Variants in DNAH12 observed in about 807,000 individuals in gnomAD.
DNAH12 encodes the protein dynein axonemal heavy chain 12.
In DNAH12, 285 loss-of-function variants were observed where a neutral mutation model predicts 371.5. The ratio of observed to expected loss-of-function variants is 0.77; its 90% CI spans 0.70 to 0.85. The LOEUF is 0.85. DNAH12 is among the 40% of genes least tolerant of loss of function. The pLI, the probability that DNAH12 is intolerant of heterozygous loss-of-function variation, is 0.00. For missense variants in DNAH12, 3,611 were observed against 3,689.4 expected (o/e 0.98, Z 0.55); for synonymous variants, 1,200 against 1,213.0 (o/e 0.99, Z 0.22).
intron 37 of DNAH12, among the ~76,000 whole-genome samples, chr3:57,416,395 T>C (rs1006082968): frequency 3.9e-5 from 6 of 152,202 alleles, no homozygotes; most frequent in African/African-American, 1.2e-4. Flanking sequence ...ACCAGCCTTA[T>C]AGATACTTTA....
In DNAH12 at chr3:57,321,988, C is replaced by T. The variant is rs1331431341; in HGVS notation, c.10524+355G>A. On this transcript the variant is annotated intron_variant, in intron 65 of 73. Transcript: ENST00000495027. ...TTTTGTTCTCATTGCTTTATATCTA[C>T]ACTACCTAGGAGAGGGCCTGGCACA... 2.6e-5 allele frequency among the ~76,000 whole-genome samples: 4 copies of T among 152,178 alleles called. No homozygotes were observed. The East Asian group carries it at 5.8e-4, about 22-fold the overall frequency.
chr3:57,529,366 C>A (rs2153399809), intron 2 of DNAH12, among the ~76,000 whole-genome samples: 1 of 152,144 alleles, frequency 6.6e-6, no homozygotes, highest in East Asian at 1.9e-4. Context: ...GCCATAAGGG[C>A]CTGGGCTTTT....
chr3:57,373,777 C>T (rs1215789070), intron 55 of DNAH12, among the ~76,000 whole-genome samples: 2 of 152,140 alleles, frequency 1.3e-5, no homozygotes, highest in African/African-American at 4.8e-5. Flanking sequence ...TTTTTTATAA[C>T]CAAAATATAT....
At position 57,369,228 on chromosome 3, in the gene DNAH12, A is replaced by AATATAT. The variant is rs1189250482; in HGVS notation, c.8760-974_8760-969dup. On this transcript the variant is annotated intron_variant, in intron 55 of 73. Transcript: ENST00000495027. ...AAGATTGAAACTCCATTAAAAAAAA[A>AATATAT]ATATATATATATATATATATAAAAC... is the stretch of plus-strand genomic sequence containing the variant. 4.6e-5 allele frequency among the ~76,000 whole-genome samples: 6 copies of AATATAT among 131,714 alleles called. No individual in the cohort carries two copies. In the South Asian group the frequency reaches 7.0e-4, roughly 15 times the overall value. The allele number at this position is 131,714 out of a possible 152,430, so 86.4% of individuals were successfully genotyped here.
Position 57,523,597 on chromosome 3 carries a change from T to C in DNAH12, c.265A>G (p.Met89Val). Residue 89 changes from methionine (M) to valine (V), a missense_variant, in exon 4 of 74, where the codon ATG (methionine) becomes GTG (valine). Met to Val is a conservative substitution (Grantham distance 21). This residue lies in a region of DNAH12 where 1,314 missense variants were observed against 1,398.7 expected (regional missense o/e 0.94). Transcript: ENST00000495027. ...PDYPQTMTSE[M>V]KKKGFNYIYM... ...CTTGAACTCACTCCTTTTTTTTTCATTTCACTGGTCATCTGTCAAAAACAA... is the reference window on the plus strand; with the variant it reads ...CTTGAACTCACTCCTTTTTTTTTCACTTCACTGGTCATCTGTCAAAAACAA... 6.3e-7 allele frequency: 1 copy of C among 1,579,712 alleles called. No individual in the cohort carries two copies. Among genetic ancestry groups the C allele is most frequent in the Non-Finnish European group, 8.6e-7 (1 of 1,164,158 alleles).
At position 57,413,734 on chromosome 3, in the gene DNAH12, TTAAA is replaced by T; in HGVS notation, c.6020+8_6020+11del. ...TATAACTTCAGCATAACTTATCGAA[TTAAA>T]TAGTTACCAATGTCCACAGTCAAAA... On this transcript the variant is annotated splice_region_variant and intron_variant, in intron 39 of 73. Coordinates refer to ENST00000495027, the MANE Select transcript of DNAH12 (RefSeq NM_001366028.2). 1 of 1,547,768 alleles carries T rather than the reference TTAAA, an allele frequency of 6.5e-7. No homozygotes were observed. Among genetic ancestry groups the T allele is most frequent in the Non-Finnish European group, 8.7e-7 (1 of 1,145,860 alleles).
chr3:57,445,738 C>T (rs1462415190), intron 27 of DNAH12, among the ~76,000 whole-genome samples: 3 of 152,054 alleles, frequency 2.0e-5, no homozygotes, highest in South Asian at 2.1e-4. Context: ...CCTGTAATCC[C>T]AGCACTTTGG....
chr3:57,448,852 C>T (rs1221067279), intron 25 of DNAH12, among the ~76,000 whole-genome samples: 1 of 151,912 alleles, frequency 6.6e-6, no homozygotes, highest in Non-Finnish European at 1.5e-5. Flanking sequence ...TTGATTGGTG[C>T]ACTCACAAAC....
chr3:57,408,382 C>T lies in DNAH12; in HGVS notation c.6174G>A (p.Met2058Ile). 1 of 1,551,460 alleles carries T rather than the reference C, an allele frequency of 6.4e-7. No homozygotes were observed. The highest frequency in any genetic ancestry group is 1.2e-5 in the South Asian group (1 of 84,052). The stretch of plus-strand genomic sequence containing the variant: ...CTACAATAGATGAGAAGATTCGGAC[C>T]ATAGTTTCATCACTAAAAGAATTAA... ...CSINSFSDET[M>I]VRIFSSIVAF... Residue 2058 changes from methionine to isoleucine, a missense_variant, in exon 40 of 74, where the codon ATG (methionine) becomes ATA (isoleucine). Met to Ile is a conservative substitution (Grantham distance 10, BLOSUM62 1). Coordinates refer to ENST00000495027, the MANE Select transcript of DNAH12 (RefSeq NM_001366028.2).
rs1361611316 is a variant in DNAH12 at position 57,391,896 on chromosome 3, A to G, written c.7281T>C (p.Asn2427=). The G allele has an allele frequency of 2.0e-5, 3 of 153,240 alleles. 1 individual carries two copies. The highest frequency in any genetic ancestry group is 1.9e-3 in the Middle Eastern group (2 of 1,046). The allele number at this position is 153,240 out of a possible 1,614,324, so 9.5% of individuals were successfully genotyped here. A position where few individuals can be genotyped will look rare whatever the true frequency, so the allele number is the denominator to read the frequency against. ...CCTGAAACCAGTCAATGGTACAGCA[A>G]TTGATGAGGGATGGGAACTGTCTCA... is the stretch of plus-strand genomic sequence containing the variant. The part of the protein sequence containing the change: ...NRLRQFPSLI[N]CCTIDWFQSW... The change falls in exon 45 of 74, where the codon AAT becomes AAC. Residue 2427 remains asparagine (N), a synonymous_variant. Transcript: ENST00000495027.
At chr3:57,333,582 C>T (rs552536068) in intron 62 of DNAH12, among the ~76,000 whole-genome samples, 36 of 152,168 alleles carry the variant, frequency 2.4e-4, no homozygotes, top group African/African-American at 4.6e-4. Flanking sequence ...CTGTCCTCCT[C>T]GGCCTCCCAA....
At chr3:57,418,039 C>CT (rs1258607677) in intron 37 of DNAH12, among the ~76,000 whole-genome samples, 1 of 151,904 alleles carries the variant, frequency 6.6e-6, no homozygotes, top group African/African-American at 2.4e-5. Flanking sequence ...GTAATCCCAG[C>CT]TACTCAGGAG....
intron 25 of DNAH12, among the ~76,000 whole-genome samples, chr3:57,448,349 T>G (rs1248780256): frequency 3.3e-5 from 5 of 151,908 alleles, no homozygotes; most frequent in Non-Finnish European, 7.4e-5. Context: ...TCTGGACTTG[T>G]TCATTCCTCC....
At chr3:57,391,555 CCTCT>C (rs1179080530) in intron 45 of DNAH12, among the ~76,000 whole-genome samples, 6 of 152,138 alleles carry the variant, frequency 3.9e-5, no homozygotes, top group African/African-American at 1.2e-4. Context: ...TAATACACTC[CCTCT>C]CTATGTAACT....
intron 43 of DNAH12, 64 bp downstream of exon 43, chr3:57,403,245 T>A: frequency 6.9e-7 from 1 of 1,447,214 alleles, no homozygotes; most frequent in South Asian, 1.5e-5. Context: ...AGGCTGGTTC[T>A]CTCTTTACGA....
At chr3:57,321,970 C>T (rs2061815769) in intron 65 of DNAH12, among the ~76,000 whole-genome samples, 1 of 151,968 alleles carries the variant, frequency 6.6e-6, no homozygotes, top group African/African-American at 2.4e-5. Context: ...CTATTTTGTT[C>T]TCATTGCTTT....
At position 57,425,035 on chromosome 3, in the gene DNAH12, C is replaced by G; in HGVS notation, c.5360G>C (p.Arg1787Pro). The G allele has an allele frequency of 1.4e-6, 1 of 702,110 alleles. No individual in the cohort carries two copies. Among genetic ancestry groups the G allele is most frequent in the South Asian group, 1.5e-5 (1 of 67,428 alleles). 43.5% of individuals were successfully genotyped at this position (702,110 alleles called of 1,614,324 possible). A position where few individuals can be genotyped will look rare whatever the true frequency, so the allele number is the denominator to read the frequency against. ...TATAAAACCAACCATAATCCAAACA[C>G]GAATGTGCTTGCTAGTAGGATCATT... ...VENDPTSKHI[R>P]VWIMACFIFS... The change falls in exon 35 of 74, where the codon CGT becomes CCT. Residue 1787 changes from arginine to proline, a missense_variant. Physicochemically the swap from Arg to Pro is moderately radical, Grantham distance 103. This residue lies in a region of DNAH12 where 2,266 missense variants were observed against 2,236.9 expected (regional missense o/e 1.01). Coordinates refer to ENST00000495027, the MANE Select transcript of DNAH12 (RefSeq NM_001366028.2).
intron 22 of DNAH12, among the ~76,000 whole-genome samples, chr3:57,456,144 T>C (rs988428490): frequency 1.3e-5 from 2 of 152,218 alleles, no homozygotes; most frequent in African/African-American, 4.8e-5. Context: ...GCTAGGTACA[T>C]AGAAGGTCAA....
At chr3:57,502,537 T>C in intron 9 of DNAH12, 58 bp from the exon 10 acceptor site, 1 of 1,508,324 alleles carries the variant, frequency 6.6e-7, no homozygotes. Flanking sequence ...GTATAATTAA[T>C]CTATATGTAG....
Sources: allele counts gnomAD v4.1 joint callset (sites outside exome capture counted in the v4.1 genomes callset), GRCh38; gene constraint gnomAD v4.1.1; regional missense constraint gnomAD v4.1.1; transcripts MANE v1.5; gene names NCBI Gene and HGNC (gene_info 2026-07-23, HGNC 2026-07-21).